The following TRAPPC9 variants were observed in gnomAD, a reference collection of about 807,000 sequenced individuals.
TRAPPC9 encodes the protein trafficking protein particle complex subunit 9.
Under a neutral mutation model 124.0 loss-of-function variants are expected in TRAPPC9, and 83 were observed. That is an observed-to-expected ratio of 0.67 (90% CI 0.56 to 0.80). The LOEUF (loss-of-function observed/expected upper bound fraction) is 0.80. TRAPPC9 is among the 30% of genes least tolerant of loss of function. The pLI is 0.00. For synonymous variants in TRAPPC9, 638 were observed against 617.5 expected (o/e 1.03, Z -0.49); for missense variants, 1,302 against 1,508.3 (o/e 0.86, Z 2.27).
chr8:139,809,636 G>A (rs568358181), intron 21 of TRAPPC9, among the ~76,000 whole-genome samples: 2 of 152,216 alleles, frequency 1.3e-5, no homozygotes, highest in East Asian at 3.9e-4. Flanking sequence ...CCTCCTGACA[G>A]CCCAGCCCTG....
chr8:139,740,748 G>A (rs1317337044), intron 21 of TRAPPC9, among the ~76,000 whole-genome samples: 1 of 152,198 alleles, frequency 6.6e-6, no homozygotes, highest in Non-Finnish European at 1.5e-5. Flanking sequence ...CCATGGGGAC[G>A]GGGCCCCAAC....
chr8:140,237,986 C>T (rs759148769), intron 16 of TRAPPC9, among the ~76,000 whole-genome samples: 4 of 152,212 alleles, frequency 2.6e-5, no homozygotes, highest in Non-Finnish European at 5.9e-5. Flanking sequence ...GTGATCAACA[C>T]GATGAGCTAA....
At chr8:140,153,229 C>G (rs2061575309) in intron 17 of TRAPPC9, among the ~76,000 whole-genome samples, 1 of 152,138 alleles carries the variant, frequency 6.6e-6, no homozygotes, top group Non-Finnish European at 1.5e-5. Flanking sequence ...AGCACAGGCC[C>G]CTCCTCATTT....
At chr8:139,737,473 C>A (rs534121731) in intron 21 of TRAPPC9, among the ~76,000 whole-genome samples, 1 of 122,416 alleles carries the variant, frequency 8.2e-6, no homozygotes, top group Non-Finnish European at 1.9e-5. Flanking sequence ...CCCTCCCCCC[C>A]CCCCCACGGA....
chr8:139,778,910 G>A (rs1821581264), intron 21 of TRAPPC9, among the ~76,000 whole-genome samples: 1 of 152,016 alleles, frequency 6.6e-6, no homozygotes. Flanking sequence ...TAAACTTAAA[G>A]ATCCAAGAAG....
intron 21 of TRAPPC9, among the ~76,000 whole-genome samples, chr8:139,826,510 A>G (rs984726818): frequency 6.6e-6 from 1 of 152,174 alleles, no homozygotes; most frequent in African/African-American, 2.4e-5. Flanking sequence ...GAGTGGCACC[A>G]AATAAACGCA....
chr8:139,937,393 C>T (rs1259112822), intron 19 of TRAPPC9, among the ~76,000 whole-genome samples: 1 of 152,186 alleles, frequency 6.6e-6, no homozygotes, highest in Admixed American at 6.5e-5. Context: ...ACTTTTCCTT[C>T]TTTTCTAAAA....
In TRAPPC9 at chr8:139,819,320, T is replaced by C. The variant is rs146728394; in HGVS notation, c.3055+66559A>G. ...ACTGATACTACATTATGGTGAGTTA[T>C]ATAATTATTTCATTATATATTACAG... is the stretch of plus-strand genomic sequence containing the variant. On this transcript the variant is annotated intron_variant, in intron 21 of 22. Transcript: ENST00000438773. Among the ~76,000 whole-genome samples, 536 of 152,332 alleles carry C rather than the reference T, an allele frequency of 3.5e-3. 4 individuals carry two copies. Among genetic ancestry groups the C allele is most frequent in the African/African-American group, 0.012 (489 of 41,572 alleles).
intron 21 of TRAPPC9, among the ~76,000 whole-genome samples, chr8:139,774,664 C>A (rs4736091): frequency 2.0e-5 from 3 of 152,058 alleles, no homozygotes; most frequent in African/African-American, 7.3e-5. Context: ...GCAGGTGCTC[C>A]ACAACATTTC....
intron 21 of TRAPPC9, among the ~76,000 whole-genome samples, chr8:139,856,416 C>T (rs1424820434): frequency 6.6e-6 from 1 of 152,174 alleles, no homozygotes; most frequent in Admixed American, 6.5e-5. Flanking sequence ...GCTCCCCTTC[C>T]TCTACTGCCC....
intron 21 of TRAPPC9, among the ~76,000 whole-genome samples, chr8:139,768,472 A>G (rs1042771193): frequency 1.3e-5 from 2 of 152,234 alleles, no homozygotes; most frequent in East Asian, 1.9e-4. Flanking sequence ...GACCCTGGCC[A>G]TATTTTCAGT....
chr8:140,060,438 C>T (rs1424103389), intron 17 of TRAPPC9, among the ~76,000 whole-genome samples: 1 of 152,184 alleles, frequency 6.6e-6, no homozygotes, highest in Non-Finnish European at 1.5e-5. Context: ...TGCTGAGTTC[C>T]TTTTTCTCTA....
chr8:140,312,755 CTTCTTT>C (rs773574333), intron 9 of TRAPPC9, among the ~76,000 whole-genome samples: 2 of 143,700 alleles, frequency 1.4e-5, no homozygotes, highest in African/African-American at 2.6e-5. Flanking sequence ...TCTTCTTCTT[CTTCTTT>C]TTTTTTTTTT....
chr8:140,451,526 C>T, intron 1 of TRAPPC9, 143 bp from the exon 2 acceptor site: 1 of 721,264 alleles, frequency 1.4e-6, no homozygotes, highest in South Asian at 1.5e-5. Flanking sequence ...GGTCTTAGGG[C>T]TCTACACGTG....
intron 19 of TRAPPC9, among the ~76,000 whole-genome samples, chr8:139,956,815 T>C (rs1835020542): frequency 6.6e-6 from 1 of 152,194 alleles, no homozygotes; most frequent in African/African-American, 2.4e-5. Context: ...TCCCACACCC[T>C]GGAGGACAAG....
chr8:140,255,183 G>A (rs186754750), intron 15 of TRAPPC9, among the ~76,000 whole-genome samples: 18 of 152,338 alleles, frequency 1.2e-4, no homozygotes, highest in Admixed American at 7.8e-4. Context: ...AGGGGACAGC[G>A]TCCTTGAAAA....
At position 140,087,103 on chromosome 8, in the gene TRAPPC9, C is replaced by A. The variant is rs1387725006; in HGVS notation, c.2557-63024G>T. ...CTCCTCTGAAATGACTCTTTCCAAT[C>A]TCAAAGCCAGTGGTCAACATCCTGG... On this transcript the variant is annotated intron_variant, in intron 17 of 22. Coordinates refer to ENST00000438773, the MANE Select transcript of TRAPPC9 (RefSeq NM_001160372.4). The surrounding 1 kb of genome is among the most constrained non-coding windows in gnomAD (Gnocchi z 4.6). 6.6e-6 allele frequency among the ~76,000 whole-genome samples: 1 copy of A among 152,188 alleles called. No homozygotes were observed. The highest frequency in any genetic ancestry group is 1.5e-5 in the Non-Finnish European group (1 of 68,032).
At chr8:139,813,740 T>TGA (rs1657926818) in intron 21 of TRAPPC9, among the ~76,000 whole-genome samples, 1 of 152,166 alleles carries the variant, frequency 6.6e-6, no homozygotes, top group African/African-American at 2.4e-5. Context: ...ATGGGCTGCC[T>TGA]GGGGACACAG....
At chr8:139,900,571 G>C (rs1830957659) in intron 20 of TRAPPC9, among the ~76,000 whole-genome samples, 1 of 152,150 alleles carries the variant, frequency 6.6e-6, no homozygotes, top group African/African-American at 2.4e-5. Flanking sequence ...ATCAATATTT[G>C]TACAGAGCCT....
Sources: gnomAD v4.1 joint callset for allele counts (sites outside exome capture counted in the v4.1 genomes callset) on GRCh38, gnomAD v4.1.1 for gene constraint, Gnocchi (gnomAD v3.1) non-coding constraint, MANE v1.5 for transcripts, NCBI Gene and HGNC (gene_info 2026-07-23, HGNC 2026-07-21) for gene names.